The following PLCL1 variants were observed in gnomAD, a reference collection of about 807,000 sequenced individuals.
PLCL1 encodes the protein phospholipase C like 1 (inactive), also known as inactive phospholipase C-like protein 1.
In PLCL1, 41 loss-of-function variants were observed where a neutral mutation model predicts 84.4. That is an observed-to-expected ratio of 0.49 (90% CI 0.38 to 0.63). The LOEUF (loss-of-function observed/expected upper bound fraction) is 0.63, where lower values mean the gene tolerates loss of function less well. Ranked by LOEUF, PLCL1 falls within the 30% of genes least tolerant of loss-of-function variation. PLCL1 has a pLI of 0.00. For synonymous variants in PLCL1, 490 were observed against 488.3 expected (o/e 1.00, Z -0.05); for missense variants, 1,206 against 1,367.8 (o/e 0.88, Z 1.87).
chr2:198,014,879 A>G (rs1690957263), intron 1 of PLCL1, among the ~76,000 whole-genome samples: 1 of 152,110 alleles, frequency 6.6e-6, no homozygotes, highest in Non-Finnish European at 1.5e-5. Context: ...TTATGTCATC[A>G]ATTCTGAAAA....
intron 1 of PLCL1, among the ~76,000 whole-genome samples, chr2:197,855,527 G>A (rs751951196): frequency 2.0e-5 from 3 of 152,078 alleles, no homozygotes; most frequent in Middle Eastern, 3.4e-3. Flanking sequence ...TTTTCTGATA[G>A]CCCAGCTAGT....
At chr2:197,955,500 A>G (rs897806009) in intron 1 of PLCL1, among the ~76,000 whole-genome samples, 3 of 149,878 alleles carry the variant, frequency 2.0e-5, no homozygotes, top group African/African-American at 7.3e-5. Flanking sequence ...TATGTGTACC[A>G]TGGTGGTTTG....
chr2:197,818,092 A>AACCCCAGCTCT (rs1217065229), intron 1 of PLCL1, among the ~76,000 whole-genome samples: 1 of 152,058 alleles, frequency 6.6e-6, no homozygotes, highest in Non-Finnish European at 1.5e-5. Context: ...CTATTTTGCT[A>AACCCCAGCTCT]ACCCCAGCTC....
intron 1 of PLCL1, among the ~76,000 whole-genome samples, chr2:197,884,787 T>G (rs1687888385): frequency 6.6e-6 from 1 of 152,198 alleles, no homozygotes; most frequent in Non-Finnish European, 1.5e-5. Flanking sequence ...CCATCATCTC[T>G]TATCTGGATT....
chr2:197,927,068 C>T (rs1363773806), intron 1 of PLCL1, among the ~76,000 whole-genome samples: 4 of 152,188 alleles, frequency 2.6e-5, no homozygotes, highest in South Asian at 2.1e-4. Context: ...AAGAAGTCTT[C>T]GTGGACACTG....
intron 1 of PLCL1, among the ~76,000 whole-genome samples, chr2:197,938,731 G>A (rs910535057): frequency 6.6e-6 from 1 of 152,156 alleles, no homozygotes; most frequent in African/African-American, 2.4e-5. Context: ...TTTAGTGGCA[G>A]GGCTGATTGG....
intron 1 of PLCL1, among the ~76,000 whole-genome samples, chr2:197,821,872 T>G (rs181377007): frequency 7.2e-4 from 109 of 152,282 alleles, no homozygotes; most frequent in Middle Eastern, 6.8e-3. Context: ...GTGGGATATA[T>G]TCTTAATTTG....
intron 1 of PLCL1, among the ~76,000 whole-genome samples, chr2:197,994,686 A>G (rs957318676): frequency 6.6e-6 from 1 of 152,218 alleles, no homozygotes; most frequent in Non-Finnish European, 1.5e-5. Flanking sequence ...ATTAAAGTTC[A>G]CACTAGAAAC....
At chr2:197,843,177 G>A (rs1687044896) in intron 1 of PLCL1, among the ~76,000 whole-genome samples, 1 of 152,126 alleles carries the variant, frequency 6.6e-6, no homozygotes, top group Non-Finnish European at 1.5e-5. Flanking sequence ...GAAGGATTCT[G>A]ATGCTCAAAA....
chr2:197,976,634 A>G (rs1325931883), intron 1 of PLCL1, among the ~76,000 whole-genome samples: 2 of 152,114 alleles, frequency 1.3e-5, no homozygotes, highest in Non-Finnish European at 2.9e-5. Context: ...TTTTTAGTGG[A>G]GATGGGGTTC....
intron 1 of PLCL1, among the ~76,000 whole-genome samples, chr2:197,974,900 G>C (rs1008969697): frequency 6.6e-6 from 1 of 152,144 alleles, no homozygotes; most frequent in Non-Finnish European, 1.5e-5. Flanking sequence ...CCAGCACTTT[G>C]GGAGGCCGAG....
intron 1 of PLCL1, among the ~76,000 whole-genome samples, chr2:197,876,150 T>C (rs191836110): frequency 1.3e-5 from 2 of 152,198 alleles, no homozygotes; most frequent in Non-Finnish European, 2.9e-5. Flanking sequence ...AGTTACTCAC[T>C]GATTCAACAA....
chr2:197,999,542 A>G (rs1393644636), intron 1 of PLCL1, among the ~76,000 whole-genome samples: 1 of 152,232 alleles, frequency 6.6e-6, no homozygotes, highest in Non-Finnish European at 1.5e-5. Context: ...ATGTGAATGT[A>G]TAGCTACATG....
chr2:197,972,392 A>T (rs992581318), intron 1 of PLCL1, among the ~76,000 whole-genome samples: 1 of 152,236 alleles, frequency 6.6e-6, no homozygotes, highest in African/African-American at 2.4e-5. Flanking sequence ...ACAAGATGTG[A>T]GATGAGAAAA....
At chr2:197,817,197 A>G (rs574570739) in intron 1 of PLCL1, among the ~76,000 whole-genome samples, 1 of 150,350 alleles carries the variant, frequency 6.7e-6, no homozygotes, top group Non-Finnish European at 1.5e-5. Context: ...GCAATAAAGT[A>G]TTTGGTCACA....
At chr2:197,909,294 T>C (rs1385858610) in intron 1 of PLCL1, among the ~76,000 whole-genome samples, 1 of 152,196 alleles carries the variant, frequency 6.6e-6, no homozygotes, top group Non-Finnish European at 1.5e-5. Flanking sequence ...AAGAATGTTA[T>C]TAAAAGTTCA....
chr2:198,009,735 T>C (rs1690822297), intron 1 of PLCL1, among the ~76,000 whole-genome samples: 1 of 152,030 alleles, frequency 6.6e-6, no homozygotes, highest in African/African-American at 2.4e-5. Context: ...GGAATTTTTA[T>C]AGAGTTTGCA....
intron 1 of PLCL1, among the ~76,000 whole-genome samples, chr2:197,923,906 G>C (rs547593076): frequency 2.0e-5 from 3 of 151,508 alleles, no homozygotes; most frequent in African/African-American, 7.3e-5. Flanking sequence ...CTGCAATCCC[G>C]GCACCTCGGG....
At chr2:198,082,007 CG>C (rs568510275) in intron 1 of PLCL1, among the ~76,000 whole-genome samples, 21 of 152,060 alleles carry the variant, frequency 1.4e-4, no homozygotes, top group Non-Finnish European at 3.1e-4. Context: ...CTGAAATGTT[CG>C]GAAGTCAGGA....
Sources: gnomAD v4.1 joint callset for allele counts (sites outside exome capture counted in the v4.1 genomes callset) on GRCh38, gnomAD v4.1.1 for gene constraint, MANE v1.5 for transcripts, NCBI Gene and HGNC (gene_info 2026-07-23, HGNC 2026-07-21) for gene names.